Variants in KCNN2 observed in about 807,000 individuals in gnomAD.
The protein encoded by KCNN2 is potassium calcium-activated channel subfamily N member 2.
In KCNN2, 24 loss-of-function variants were observed where a neutral mutation model predicts 55.5. That is an observed-to-expected ratio of 0.43 (90% confidence interval 0.31 to 0.61). The LOEUF (loss-of-function observed/expected upper bound fraction) is 0.61. Among genes scored for constraint, KCNN2 ranks in the 20% least tolerant of loss-of-function variants. The probability of loss-of-function intolerance (pLI) is 0.08; values close to 1 mark genes in which losing one functional copy is unlikely to be tolerated. For missense variants in KCNN2, 754 were observed against 853.6 expected (o/e 0.88, Z 1.45); for synonymous variants, 431 against 336.1 (o/e 1.28, Z -3.09).
In KCNN2 at chr5:114,493,243, T is replaced by C. The variant is rs1177243641; in HGVS notation, c.2019-160T>C. On this transcript the variant is annotated intron_variant, in intron 6 of 7. Coordinates refer to ENST00000673685, the MANE Select transcript of KCNN2 (RefSeq NM_021614.4). ...TTGCGGTGTTGGGGAAGCATGCTTC[T>C]CATTGTACCAGACACATAACCAGTT... 14 of 696,702 alleles carry C rather than the reference T, an allele frequency of 2.0e-5. No individual in the cohort carries two copies. The East Asian group carries it at 3.8e-4, about 19-fold the overall frequency. 43.2% of individuals were successfully genotyped at this position (696,702 alleles called of 1,614,324 possible). A position where few individuals can be genotyped will look rare whatever the true frequency, so the allele number is the denominator to read the frequency against.
intron 2 of KCNN2, among the ~76,000 whole-genome samples, chr5:114,279,544 T>C (rs1273050949): frequency 6.6e-6 from 1 of 152,086 alleles, no homozygotes; most frequent in Admixed American, 6.6e-5. Context: ...AGTGAGAACA[T>C]GTGGTGTTTG....
At chr5:114,485,885 T>C (rs1762417255) in intron 5 of KCNN2, among the ~76,000 whole-genome samples, 1 of 152,194 alleles carries the variant, frequency 6.6e-6, no homozygotes, top group Non-Finnish European at 1.5e-5. Context: ...GTGAAAAATA[T>C]AAATACAAAC....
At chr5:114,409,702 A>C (rs1488651864) in intron 3 of KCNN2, among the ~76,000 whole-genome samples, 3 of 152,114 alleles carry the variant, frequency 2.0e-5, no homozygotes, top group African/African-American at 4.8e-5. Context: ...TTAAAAACCT[A>C]TTCCTGTCCT....
At chr5:114,062,088 G>A (rs1184056260) in intron 1 of KCNN2, among the ~76,000 whole-genome samples, 7 of 150,568 alleles carry the variant, frequency 4.6e-5, no homozygotes, top group Non-Finnish European at 1.5e-5. Flanking sequence ...ATTTATTTAA[G>A]ATATATGGGT....
intron 3 of KCNN2, among the ~76,000 whole-genome samples, chr5:114,425,095 A>T (rs1759580222): frequency 1.3e-5 from 2 of 152,240 alleles, no homozygotes; most frequent in African/African-American, 4.8e-5. Flanking sequence ...GTTATGTATG[A>T]AAGGCAAGCC....
chr5:114,370,535 A>AC (rs1370805405), intron 2 of KCNN2, among the ~76,000 whole-genome samples: 1 of 152,086 alleles, frequency 6.6e-6, no homozygotes, highest in Non-Finnish European at 1.5e-5. Context: ...TTGGGAGGCA[A>AC]CAGTTGCATA....
intron 1 of KCNN2, among the ~76,000 whole-genome samples, chr5:114,164,854 G>A (rs7721332): frequency 0.81 from 122,435 of 151,688 alleles, 50,696 homozygotes; most frequent in East Asian, 0.94. Flanking sequence ...TATTTGGACC[G>A]TTTCTATTAC....
In KCNN2 at chr5:114,443,904, G is replaced by T. The variant is rs1386097168; in HGVS notation, c.1638-19145G>T. 3.3e-5 allele frequency among the ~76,000 whole-genome samples: 5 copies of T among 152,204 alleles called. No individual in the cohort carries two copies. The East Asian group carries it at 9.6e-4, about 29-fold the overall frequency. On this transcript the variant is annotated intron_variant, in intron 3 of 7. Coordinates refer to ENST00000673685, the MANE Select transcript of KCNN2 (RefSeq NM_021614.4). ...TAAGAAGAAGTGTCAGGAAAGGTGG[G>T]TTGGGACCCAATTATTAATGGCTTG...
At chr5:114,329,803 T>A (rs1756777993) in intron 2 of KCNN2, among the ~76,000 whole-genome samples, 1 of 152,176 alleles carries the variant, frequency 6.6e-6, no homozygotes, top group Non-Finnish European at 1.5e-5. Flanking sequence ...TTCCCAGAAA[T>A]TCTCTTCAAT....
chr5:114,265,324 GGTGTGTGTGTGTGTGTGTGT>G (rs60111802), intron 2 of KCNN2, among the ~76,000 whole-genome samples: 72 of 149,236 alleles, frequency 4.8e-4, no homozygotes, highest in African/African-American at 1.5e-3. Context: ...ATCAAGAGGA[GGTGTGTGTGTGTGTGTGTGT>G]GTGTGTGTGT....
intron 1 of KCNN2, among the ~76,000 whole-genome samples, chr5:114,192,934 T>G (rs1255864860): frequency 6.6e-6 from 1 of 152,158 alleles, no homozygotes; most frequent in Admixed American, 6.6e-5. Context: ...CTCTTTTTAT[T>G]GCCAACTGAT....
At chr5:114,411,450 A>T (rs902269758) in intron 3 of KCNN2, among the ~76,000 whole-genome samples, 5 of 152,076 alleles carry the variant, frequency 3.3e-5, no homozygotes, top group African/African-American at 4.8e-5. Flanking sequence ...GAGACAGGGT[A>T]TGCTGGTATA....
At chr5:114,417,295 A>T (rs906978616) in intron 3 of KCNN2, among the ~76,000 whole-genome samples, 3 of 152,162 alleles carry the variant, frequency 2.0e-5, no homozygotes, top group African/African-American at 7.2e-5. Context: ...TCTGGAAGGG[A>T]ATGAGTATTC....
chr5:114,373,116 A>G (rs751305829), intron 2 of KCNN2, among the ~76,000 whole-genome samples: 14 of 152,204 alleles, frequency 9.2e-5, no homozygotes, highest in Admixed American at 2.6e-4. Context: ...AAACCACTTT[A>G]TTAAATGTGG....
rs1754491111 is a variant in KCNN2 at position 114,236,307 on chromosome 5, G to A, written c.-185+14742G>A. On this transcript the variant is annotated intron_variant, in intron 2 of 10. Transcript: ENST00000512097. ...GTGTGTAGTTGGTGTACTTATAGAA[G>A]GAAAAGAAAATAAATTTTTCCTTCA... 3.3e-5 allele frequency among the ~76,000 whole-genome samples: 5 copies of A among 151,990 alleles called. No homozygotes were observed. In the South Asian group the frequency reaches 1.0e-3, roughly 31 times the overall value.
chr5:114,330,990 A>G (rs1272486741), intron 2 of KCNN2, among the ~76,000 whole-genome samples: 6 of 152,236 alleles, frequency 3.9e-5, no homozygotes, highest in African/African-American at 1.4e-4. Context: ...AAGCAGATCC[A>G]CCTTATCACT....
At chr5:114,075,962 C>T (rs1750677904) in intron 1 of KCNN2, among the ~76,000 whole-genome samples, 1 of 152,174 alleles carries the variant, frequency 6.6e-6, no homozygotes, top group African/African-American at 2.4e-5. Context: ...CCTAGTTGTT[C>T]CCAGGCTAAA....
chr5:114,330,528 G>T (rs1260725365), intron 2 of KCNN2, among the ~76,000 whole-genome samples: 2 of 151,758 alleles, frequency 1.3e-5, no homozygotes, highest in Non-Finnish European at 2.9e-5. Flanking sequence ...ATCATTTTTT[G>T]GGGGGGCTTA....
intron 2 of KCNN2, among the ~76,000 whole-genome samples, chr5:114,349,054 T>G (rs2150039479): frequency 6.6e-6 from 1 of 152,214 alleles, no homozygotes; most frequent in South Asian, 2.1e-4. Flanking sequence ...TATTATCACT[T>G]ACTCTAATTT....
Sources: allele counts gnomAD v4.1 joint callset (sites outside exome capture counted in the v4.1 genomes callset), GRCh38; gene constraint gnomAD v4.1.1; transcripts MANE v1.5; gene names NCBI Gene and HGNC (gene_info 2026-07-23, HGNC 2026-07-21).